The following MICU1 variants were observed in gnomAD, a reference collection of about 807,000 sequenced individuals.
MICU1 encodes mitochondrial calcium uptake 1.
In MICU1, 45 loss-of-function variants were observed where a neutral mutation model predicts 56.8. That is an observed-to-expected ratio of 0.79 (90% CI 0.62 to 1.02). MICU1 has a LOEUF of 1.02. Ranked by LOEUF, MICU1 falls within the 50% of genes least tolerant of loss-of-function variation. The pLI is 0.00. For missense variants in MICU1, 504 were observed against 587.1 expected (o/e 0.86, Z 1.46); for synonymous variants, 186 against 195.1 (o/e 0.95, Z 0.39).
At chr10:72,401,819 T>C (rs1489234120) in intron 10 of MICU1, among the ~76,000 whole-genome samples, 1 of 152,194 alleles carries the variant, frequency 6.6e-6, no homozygotes, top group Non-Finnish European at 1.5e-5. Context: ...AACTATTTCA[T>C]CCTGCCTAAC....
intron 2 of MICU1, among the ~76,000 whole-genome samples, chr10:72,565,284 A>G (rs982491204): frequency 5.3e-5 from 8 of 152,082 alleles, no homozygotes; most frequent in Admixed American, 4.6e-4. Context: ...TGTGGCACAT[A>G]TACACCATGG....
intron 3 of MICU1, among the ~76,000 whole-genome samples, chr10:72,551,560 A>T (rs1007119723): frequency 1.3e-5 from 2 of 152,148 alleles, no homozygotes; most frequent in African/African-American, 4.8e-5. Context: ...TACCATTCAT[A>T]TTCCAGTTGA....
intron 1 of MICU1, among the ~76,000 whole-genome samples, chr10:72,576,969 G>T (rs950087178): frequency 6.6e-6 from 1 of 152,172 alleles, no homozygotes; most frequent in African/African-American, 2.4e-5. Flanking sequence ...TAAAGAAAAT[G>T]TGGTGTATAT....
At chr10:72,538,967 A>G (rs1839702788) in intron 4 of MICU1, among the ~76,000 whole-genome samples, 1 of 152,154 alleles carries the variant, frequency 6.6e-6, no homozygotes, top group African/African-American at 2.4e-5. Flanking sequence ...AAAATAGAGT[A>G]TAAGTCAAAA....
intron 4 of MICU1, among the ~76,000 whole-genome samples, chr10:72,536,643 G>A (rs545626146): frequency 6.6e-6 from 1 of 152,006 alleles, no homozygotes; most frequent in South Asian, 2.1e-4. Flanking sequence ...GAGCCACCGT[G>A]CCCAGACAAA....
At chr10:72,568,163 G>T (rs372359560) in intron 1 of MICU1, among the ~76,000 whole-genome samples, 1 of 151,786 alleles carries the variant, frequency 6.6e-6, no homozygotes, top group East Asian at 1.9e-4. Context: ...TCACACCCAG[G>T]TCCTTGGAAG....
At chr10:72,612,575 T>A (rs1841879599) in intron 1 of MICU1, among the ~76,000 whole-genome samples, 1 of 152,044 alleles carries the variant, frequency 6.6e-6, no homozygotes, top group Non-Finnish European at 1.5e-5. Context: ...AGCAGGAGGA[T>A]CACTTGAGGC....
At chr10:72,587,836 TAA>T (rs1167813817) in intron 1 of MICU1, among the ~76,000 whole-genome samples, 2 of 152,084 alleles carry the variant, frequency 1.3e-5, no homozygotes, top group Non-Finnish European at 2.9e-5. Flanking sequence ...TTTAATTTAA[TAA>T]AATACTATTT....
At chr10:72,574,132 T>C in intron 1 of MICU1, among the ~76,000 whole-genome samples, 1 of 152,142 alleles carries the variant, frequency 6.6e-6, no homozygotes, top group East Asian at 1.9e-4. Flanking sequence ...AACCAACTAT[T>C]ACCCGACACT....
chr10:72,373,874 T>G (rs1862428956), intron 11 of MICU1, among the ~76,000 whole-genome samples: 2 of 152,222 alleles, frequency 1.3e-5, no homozygotes, highest in Non-Finnish European at 2.9e-5. Flanking sequence ...TGCTGTGCAT[T>G]AGAACTCTCT....
intron 9 of MICU1, among the ~76,000 whole-genome samples, chr10:72,414,970 C>T (rs1863935803): frequency 6.6e-6 from 1 of 151,490 alleles, no homozygotes; most frequent in Non-Finnish European, 1.5e-5. Context: ...TCCCATGCCT[C>T]TCACCATTCT....
chr10:72,617,509 C>A (rs1182476814), intron 1 of MICU1, among the ~76,000 whole-genome samples: 1 of 152,120 alleles, frequency 6.6e-6, no homozygotes, highest in African/African-American at 2.4e-5. Flanking sequence ...CTGATAAGAA[C>A]ACCAAAGCTT....
At chr10:72,599,973 T>G (rs2132544419) in intron 1 of MICU1, among the ~76,000 whole-genome samples, 2 of 152,290 alleles carry the variant, frequency 1.3e-5, no homozygotes, top group Middle Eastern at 6.8e-3. Flanking sequence ...ATGAATCTTC[T>G]CCCTCTGGAA....
chr10:72,389,701 T>C (rs1342936051), intron 10 of MICU1, among the ~76,000 whole-genome samples: 2 of 152,236 alleles, frequency 1.3e-5, no homozygotes, highest in Non-Finnish European at 2.9e-5. Flanking sequence ...GCATCTGTAC[T>C]ATCCTGAGGT....
chr10:72,569,237 A>ATATTTT, intron 1 of MICU1, among the ~76,000 whole-genome samples: 69 of 34,346 alleles, frequency 2.0e-3, no homozygotes, highest in East Asian at 0.017. Flanking sequence ...ATATATATAT[A>ATATTTT]TTTTTTTTTT....
intron 1 of MICU1, among the ~76,000 whole-genome samples, chr10:72,624,914 C>A (rs879677897): frequency 3.3e-5 from 5 of 152,172 alleles, no homozygotes; most frequent in African/African-American, 4.8e-5. Flanking sequence ...TGGTCCACAC[C>A]AGAAACACAG....
chr10:72,470,353 G>A (rs541573378), intron 8 of MICU1, among the ~76,000 whole-genome samples: 11 of 152,262 alleles, frequency 7.2e-5, no homozygotes, highest in South Asian at 4.1e-4. Flanking sequence ...TCTACTGGAC[G>A]TCTTCGTCCA....
At chr10:72,488,923 T>C (rs1053103022) in intron 6 of MICU1, among the ~76,000 whole-genome samples, 2 of 152,158 alleles carry the variant, frequency 1.3e-5, no homozygotes, top group Non-Finnish European at 2.9e-5. Context: ...CTTAGAAATA[T>C]TACATTAATT....
intron 10 of MICU1, among the ~76,000 whole-genome samples, chr10:72,394,923 G>GT (rs1863196540): frequency 6.6e-6 from 1 of 152,064 alleles, no homozygotes; most frequent in South Asian, 2.1e-4. Context: ...GCTCACGCCT[G>GT]TAATCCCAGC....
Sources: allele counts gnomAD v4.1 joint callset (sites outside exome capture counted in the v4.1 genomes callset), GRCh38; gene constraint gnomAD v4.1.1; transcripts MANE v1.5; gene names NCBI Gene and HGNC (gene_info 2026-07-23, HGNC 2026-07-21).